CTNNA3: variants seen among roughly 807,000 people sequenced by gnomAD.
CTNNA3 encodes the protein catenin alpha-3.
A neutral mutation model predicts 95.7 loss-of-function variants in CTNNA3; 76 were observed. The ratio of observed to expected loss-of-function variants is 0.79; its 90% CI spans 0.66 to 0.96. The LOEUF (loss-of-function observed/expected upper bound fraction) is 0.96, where lower values mean the gene tolerates loss of function less well. Among genes scored for constraint, CTNNA3 ranks in the 40% least tolerant of loss-of-function variants. The pLI is 0.00. For synonymous variants in CTNNA3, 431 were observed against 374.4 expected, an observed-to-expected ratio of 1.15 and a Z score of -1.74; for missense variants, 1,191 against 1,089.8, an observed-to-expected ratio of 1.09 and a Z score of -1.31.
At chr10:66,734,027 C>T (rs962003820) in intron 9 of CTNNA3, among the ~76,000 whole-genome samples, 1 of 151,596 alleles carries the variant, frequency 6.6e-6, no homozygotes, top group African/African-American at 2.4e-5. Flanking sequence ...TTTTATATAA[C>T]TAATTGTGAT....
chr10:66,074,646 T>C (rs1053691302), intron 14 of CTNNA3, among the ~76,000 whole-genome samples: 2 of 151,898 alleles, frequency 1.3e-5, no homozygotes, highest in South Asian at 2.1e-4. Context: ...TGTGTAATTA[T>C]TCTCTCAAAA....
chr10:66,301,846 T>TA (rs949179952), intron 12 of CTNNA3, among the ~76,000 whole-genome samples: 2 of 151,872 alleles, frequency 1.3e-5, no homozygotes, highest in Non-Finnish European at 1.5e-5. Context: ...GTGAATGTAA[T>TA]AAACAATAAA....
chr10:67,104,051 T>TTTACAGCCAAAA (rs531913301), intron 7 of CTNNA3, among the ~76,000 whole-genome samples: 2 of 151,682 alleles, frequency 1.3e-5, no homozygotes, highest in Non-Finnish European at 1.5e-5. Context: ...CTTTTATAAA[T>TTTACAGCCAAAA]TTACAGCCAA....
intron 7 of CTNNA3, among the ~76,000 whole-genome samples, chr10:66,845,734 A>AT: frequency 2.0e-5 from 2 of 99,606 alleles, no homozygotes; most frequent in Admixed American, 1.1e-4. Flanking sequence ...AAAAAACTAA[A>AT]AAGGTGAGAT....
intron 5 of CTNNA3, among the ~76,000 whole-genome samples, chr10:67,423,900 T>A (rs1845828607): frequency 6.6e-6 from 1 of 152,162 alleles, no homozygotes; most frequent in Non-Finnish European, 1.5e-5. Flanking sequence ...TGCCTCAAAA[T>A]AATAACTGAT....
At chr10:67,267,123 C>T (rs189396884) in intron 5 of CTNNA3, among the ~76,000 whole-genome samples, 3 of 152,100 alleles carry the variant, frequency 2.0e-5, no homozygotes, top group Non-Finnish European at 4.4e-5. Context: ...AATTAGTAGG[C>T]ACATAGAAAA....
At chr10:66,448,081 C>A (rs951272507) in intron 11 of CTNNA3, among the ~76,000 whole-genome samples, 1 of 152,102 alleles carries the variant, frequency 6.6e-6, no homozygotes, top group African/African-American at 2.4e-5. Flanking sequence ...AAAAAATGTT[C>A]ATCATCACTG....
intron 7 of CTNNA3, among the ~76,000 whole-genome samples, chr10:66,787,321 T>C (rs1840787836): frequency 6.6e-6 from 1 of 151,380 alleles, no homozygotes; most frequent in East Asian, 2.0e-4. Flanking sequence ...GGTATTTCCC[T>C]ACAGGAAAGA....
intron 16 of CTNNA3, among the ~76,000 whole-genome samples, chr10:65,980,581 C>T (rs1368145612): frequency 6.7e-6 from 1 of 149,390 alleles, no homozygotes; most frequent in Non-Finnish European, 1.5e-5. Flanking sequence ...AAAATAGATG[C>T]AAAAATCCCC....
intron 12 of CTNNA3, among the ~76,000 whole-genome samples, chr10:66,366,789 G>C (rs2092713840): frequency 1.3e-5 from 2 of 152,252 alleles, no homozygotes; most frequent in East Asian, 1.9e-4. Flanking sequence ...AAACAGAGCA[G>C]TTAGCAACAA....
At chr10:66,760,572 C>T (rs1000056690) in intron 9 of CTNNA3, among the ~76,000 whole-genome samples, 24 of 152,034 alleles carry the variant, frequency 1.6e-4, no homozygotes, top group Admixed American at 7.2e-4. Flanking sequence ...CTCTTTTCTC[C>T]GAATTCTAAG....
At chr10:67,288,364 A>G (rs1839690860) in intron 5 of CTNNA3, among the ~76,000 whole-genome samples, 1 of 152,204 alleles carries the variant, frequency 6.6e-6, no homozygotes, top group African/African-American at 2.4e-5. Flanking sequence ...TCTTCTTAGC[A>G]TACAAATCCC....
intron 9 of CTNNA3, among the ~76,000 whole-genome samples, chr10:66,698,398 T>C (rs1487260633): frequency 6.6e-6 from 1 of 152,186 alleles, no homozygotes; most frequent in Non-Finnish European, 1.5e-5. Context: ...TTACAATGTG[T>C]GTGCGCTTAT....
At chr10:66,053,524 G>C (rs903106865) in intron 15 of CTNNA3, among the ~76,000 whole-genome samples, 5 of 151,910 alleles carry the variant, frequency 3.3e-5, no homozygotes, top group African/African-American at 9.7e-5. Context: ...ATTTTAAAAT[G>C]TACAATTAAG....
chr10:66,873,203 T>C (rs1844482035), intron 7 of CTNNA3, among the ~76,000 whole-genome samples: 1 of 152,194 alleles, frequency 6.6e-6, no homozygotes, highest in Non-Finnish European at 1.5e-5. Context: ...TGGGTATATA[T>C]ACCCAGTCAT....
chr10:66,159,089 T>A (rs1171766844), intron 13 of CTNNA3, among the ~76,000 whole-genome samples: 1 of 152,086 alleles, frequency 6.6e-6, no homozygotes, highest in East Asian at 1.9e-4. Flanking sequence ...AGGTAAATGA[T>A]CATGTCATCA....
At chr10:66,423,430 C>T (rs2132640456) in intron 11 of CTNNA3, among the ~76,000 whole-genome samples, 1 of 152,244 alleles carries the variant, frequency 6.6e-6, no homozygotes, top group Middle Eastern at 3.4e-3. Context: ...CTGTCTTGGA[C>T]AAGCACTATC....
intron 5 of CTNNA3, among the ~76,000 whole-genome samples, chr10:67,512,071 A>C (rs1156921300): frequency 2.0e-5 from 3 of 151,964 alleles, no homozygotes; most frequent in Non-Finnish European, 4.4e-5. Flanking sequence ...TTGCTTCTCT[A>C]AATAGAAATT....
rs1219811138 is a variant in CTNNA3 at position 66,201,350 on chromosome 10, T to C, written c.1884+79120A>G. Among the ~76,000 whole-genome samples the C allele has an allele frequency of 2.0e-5, 3 of 152,314 alleles. No individual in the cohort carries two copies. In the South Asian group the frequency reaches 6.2e-4, roughly 32 times the overall value. On this transcript the variant is annotated intron_variant, in intron 13 of 17. Coordinates refer to ENST00000433211, the MANE Select transcript of CTNNA3 (RefSeq NM_013266.4). ...ATCCTGAATCTTTCCTACCACCTTT[T>C]TCGGTTGGTGTTAATGTTACTGGCA...
Sources: allele counts gnomAD v4.1 joint callset (sites outside exome capture counted in the v4.1 genomes callset), GRCh38; gene constraint gnomAD v4.1.1; transcripts MANE v1.5; gene names NCBI Gene and HGNC (gene_info 2026-07-23, HGNC 2026-07-21).